SEMA3D: variants seen among roughly 807,000 people sequenced by gnomAD.
SEMA3D encodes semaphorin-3D.
Under a neutral mutation model 100.1 loss-of-function variants are expected in SEMA3D, and 84 were observed. The observed-to-expected ratio is 0.84, with a 90% CI of 0.70 to 1.01. The LOEUF (loss-of-function observed/expected upper bound fraction) is 1.01. SEMA3D is among the 50% of genes least tolerant of loss of function. SEMA3D has a pLI of 0.00. For synonymous variants in SEMA3D, 312 were observed against 320.7 expected, an observed-to-expected ratio of 0.97 and a Z score of 0.29; for missense variants, 875 against 934.1, an observed-to-expected ratio of 0.94 and a Z score of 0.82.
At chr7:85,137,081 A>G (rs1432017400) in intron 2 of SEMA3D, among the ~76,000 whole-genome samples, 4 of 152,086 alleles carry the variant, frequency 2.6e-5, no homozygotes, top group Admixed American at 2.6e-4. Context: ...TTCTTTAAAA[A>G]GAGATTAACC....
chr7:85,236,079 G>A, the SEMA3D span, among the ~76,000 whole-genome samples: 22 of 151,920 alleles, frequency 1.4e-4, no homozygotes, highest in Non-Finnish European at 2.8e-4. Flanking sequence ...CATCCCAGTA[G>A]TTAGGTATAA....
At chr7:85,019,298 T>C (rs1035325607) in intron 14 of SEMA3D, among the ~76,000 whole-genome samples, 13 of 151,752 alleles carry the variant, frequency 8.6e-5, no homozygotes, top group African/African-American at 3.1e-4. Flanking sequence ...AGGCACTGTA[T>C]TTTTGGCCTC....
At chr7:85,219,593 T>C in the SEMA3D span, among the ~76,000 whole-genome samples, 1 of 152,040 alleles carries the variant, frequency 6.6e-6, no homozygotes, top group African/African-American at 2.4e-5. Flanking sequence ...AAATAAGATT[T>C]CTAACAGAAG....
chr7:85,073,029 A>T lies in SEMA3D; in HGVS notation c.428T>A (p.Ile143Lys). 1.2e-6 allele frequency: 2 copies of T among 1,611,898 alleles called. No homozygotes were observed. The highest frequency in any genetic ancestry group is 8.5e-7 in the Non-Finnish European group (1 of 1,178,236). ...AAATGCTCCAGTTCCACACACATAT[A>T]TGTGAGTTTTGTTATAGGGCTGAAG... ...RVLQPYNKTHIYVCGTGAFHP... is the reference protein window; with the variant it reads ...RVLQPYNKTHKYVCGTGAFHP... The change falls in exon 6 of 19, where the codon ATA (isoleucine) becomes AAA (lysine). Residue 143 changes from isoleucine to lysine, a missense_variant. Transcript: ENST00000284136.
intron 1 of SEMA3D, among the ~76,000 whole-genome samples, chr7:85,157,976 C>T (rs1410826366): frequency 6.6e-6 from 1 of 152,182 alleles, no homozygotes; most frequent in Non-Finnish European, 1.5e-5. Flanking sequence ...ACATTTATCA[C>T]TTCCCCAATC....
chr7:85,117,506 A>G (rs1562824557), intron 3 of SEMA3D, among the ~76,000 whole-genome samples: 1 of 152,194 alleles, frequency 6.6e-6, no homozygotes, highest in Non-Finnish European at 1.5e-5. Flanking sequence ...TGGCCAGGTA[A>G]GGTGGCTCAC....
At chr7:85,019,609 G>C (rs1202483390) in intron 14 of SEMA3D, among the ~76,000 whole-genome samples, 2 of 151,776 alleles carry the variant, frequency 1.3e-5, no homozygotes, top group South Asian at 2.1e-4. Flanking sequence ...GAGAAAAAAA[G>C]TATTTCAAAT....
intron 4 of SEMA3D, among the ~76,000 whole-genome samples, chr7:85,097,112 G>T (rs572870913): frequency 6.6e-6 from 1 of 151,904 alleles, no homozygotes; most frequent in South Asian, 2.1e-4. Context: ...ATTTGCTAAA[G>T]TACTAGTTAA....
chr7:85,157,568 T>C (rs1161170594), intron 1 of SEMA3D: 49 of 597,024 alleles, frequency 8.2e-5, no homozygotes, highest in Non-Finnish European at 1.0e-4. Context: ...CATGTCCCAA[T>C]ATGATCTCAT....
intron 4 of SEMA3D, among the ~76,000 whole-genome samples, chr7:85,084,435 A>C (rs1438594093): frequency 1.3e-5 from 2 of 152,148 alleles, no homozygotes; most frequent in African/African-American, 2.4e-5. Flanking sequence ...TAATACAGTG[A>C]TTTTACAAAG....
intron 3 of SEMA3D, among the ~76,000 whole-genome samples, chr7:85,115,449 G>T (rs1789211162): frequency 6.6e-6 from 1 of 152,142 alleles, no homozygotes; most frequent in African/African-American, 2.4e-5. Context: ...TTATTTGCAA[G>T]TGTGATGTTT....
intron 4 of SEMA3D, among the ~76,000 whole-genome samples, chr7:85,090,363 T>A (rs117698622): frequency 0.013 from 2,016 of 152,184 alleles, 16 homozygotes; most frequent in Middle Eastern, 0.024. Context: ...AGCCAGCACA[T>A]CCATGAACGA....
the SEMA3D span, among the ~76,000 whole-genome samples, chr7:85,207,958 T>A: frequency 6.6e-6 from 1 of 152,044 alleles, no homozygotes; most frequent in African/African-American, 2.4e-5. Context: ...GAAAATATCT[T>A]GTTGCTTTTA....
At chr7:85,246,163 C>A in the SEMA3D span, among the ~76,000 whole-genome samples, 2 of 152,006 alleles carry the variant, frequency 1.3e-5, no homozygotes, top group African/African-American at 4.8e-5. Context: ...GTCATTAAAA[C>A]TTTATGTAAG....
chr7:85,097,275 G>A (rs1205383343), intron 4 of SEMA3D, among the ~76,000 whole-genome samples: 2 of 151,840 alleles, frequency 1.3e-5, no homozygotes, highest in Admixed American at 6.6e-5. Context: ...CATAGTTGGG[G>A]AATTATTTAT....
the SEMA3D span, among the ~76,000 whole-genome samples, chr7:85,222,398 C>T: frequency 6.6e-6 from 1 of 151,966 alleles, no homozygotes; most frequent in East Asian, 1.9e-4. Context: ...CTATAAAACA[C>T]TATACATATA....
intron 2 of SEMA3D, chr7:85,141,082 T>A: frequency 1.1e-6 from 1 of 937,624 alleles, no homozygotes; most frequent in Non-Finnish European, 1.3e-6. Flanking sequence ...TAATATTCAG[T>A]TCACATTAAA....
intron 17 of SEMA3D, among the ~76,000 whole-genome samples, chr7:85,007,754 C>T (rs1789839868): frequency 6.6e-6 from 1 of 151,732 alleles, no homozygotes; most frequent in South Asian, 2.1e-4. Flanking sequence ...CAAATATGCA[C>T]TATTTCATCA....
the SEMA3D span, among the ~76,000 whole-genome samples, chr7:85,247,984 G>A: frequency 1.3e-5 from 2 of 151,884 alleles, no homozygotes; most frequent in South Asian, 4.2e-4. Flanking sequence ...GTATGGCAAT[G>A]ACATAGATAC....
Sources: gnomAD v4.1 joint callset for allele counts (sites outside exome capture counted in the v4.1 genomes callset) on GRCh38, gnomAD v4.1.1 for gene constraint, MANE v1.5 for transcripts, NCBI Gene and HGNC (gene_info 2026-07-23, HGNC 2026-07-21) for gene names.